The following NRBP2 variants were observed in gnomAD, a reference collection of about 807,000 sequenced individuals.
NRBP2 encodes the protein nuclear receptor binding protein 2.
Under a neutral mutation model 74.4 loss-of-function variants are expected in NRBP2, and 47 were observed. That is an observed-to-expected ratio of 0.63 (90% confidence interval 0.50 to 0.81). The LOEUF is 0.81. NRBP2 is among the 30% of genes least tolerant of loss of function. The probability of loss-of-function intolerance (pLI) is 0.00; values close to 1 mark genes in which losing one functional copy is unlikely to be tolerated. For synonymous variants in NRBP2, 312 were observed against 273.8 expected (o/e 1.14, Z -1.38); for missense variants, 613 against 690.1 (o/e 0.89, Z 1.25).
chr8:143,836,098 G>A, intron 15 of NRBP2, 29 bp downstream of exon 15: 1 of 1,596,026 alleles, frequency 6.3e-7, no homozygotes, highest in Non-Finnish European at 8.5e-7. Flanking sequence ...CTTCCCCACG[G>A]CAGCGCCGCC....
At position 143,840,081 on chromosome 8, in the gene NRBP2, G is replaced by A. The variant is rs548460720; in HGVS notation, c.252+26C>T. The A allele has an allele frequency of 1.3e-6, 2 of 1,536,062 alleles. No homozygotes were observed. Among genetic ancestry groups the A allele is most frequent in the African/African-American group, 1.4e-5 (1 of 73,040 alleles). On this transcript the variant is annotated intron_variant, in intron 2 of 17. Transcript: ENST00000442628. The surrounding 1 kb of genome is among the most constrained non-coding windows in gnomAD (Gnocchi z 5.7). ...TGGTCAGCAGGTGGTCACCCAAGCAGGATGAGGAGGGGGCAGCGGTCTCAC... is the reference window on the plus strand; with the variant it reads ...TGGTCAGCAGGTGGTCACCCAAGCAAGATGAGGAGGGGGCAGCGGTCTCAC...
downstream of NRBP2, among the ~76,000 whole-genome samples, chr8:143,830,978 A>G (rs1171523826): frequency 6.6e-6 from 1 of 152,198 alleles, no homozygotes; most frequent in African/African-American, 2.4e-5. Context: ...AAAACAGAAT[A>G]GCAGTAACAC....
At chr8:143,833,364 C>T (rs1023543647), downstream of NRBP2, 5 of 152,266 alleles carry the variant, frequency 3.3e-5, no homozygotes, top group Admixed American at 6.5e-5. Flanking sequence ...TCTCCTGAGA[C>T]GTGTGGTAAT....
In NRBP2 at chr8:143,837,336, G is replaced by A. The variant is rs782461933; in HGVS notation, c.1077-37C>T. 31 of 1,594,676 alleles carry A rather than the reference G, an allele frequency of 1.9e-5. No homozygotes were observed. The highest frequency in any genetic ancestry group is 1.7e-4 in the African/African-American group (13 of 74,592). On this transcript the variant is annotated intron_variant, in intron 12 of 17. Transcript: ENST00000442628. This position sits in a 1 kb window ranked among gnomAD's most constrained non-coding sequence, Gnocchi z 4.3. Reference sequence around the variant, plus strand: ...GTGGGAGGCACATGAGGGGCTGGCCGGGGCGAGGGGAGGGGAGGTGCGGGG... The same window carrying A: ...GTGGGAGGCACATGAGGGGCTGGCCAGGGCGAGGGGAGGGGAGGTGCGGGG...
chr8:143,837,866 A>T lies in NRBP2; in HGVS notation c.841-111T>A. ...CCCATGTCCCTCCTCAGGGACACACAGGACATGCAGGGATGCCCATAGGGA... is the reference window on the plus strand; with the variant it reads ...CCCATGTCCCTCCTCAGGGACACACTGGACATGCAGGGATGCCCATAGGGA... On this transcript the variant is annotated intron_variant, in intron 10 of 17. Coordinates refer to ENST00000442628, the MANE Select transcript of NRBP2 (RefSeq NM_178564.4). The surrounding 1 kb of genome is among the most constrained non-coding windows in gnomAD (Gnocchi z 4.3). The T allele has an allele frequency of 9.2e-6, 12 of 1,307,614 alleles. No homozygotes were observed. Among genetic ancestry groups the T allele is most frequent in the Non-Finnish European group, 1.2e-5 (11 of 934,898 alleles). 81.0% of individuals were successfully genotyped at this position (1,307,614 alleles called of 1,614,324 possible).
At position 143,837,563 on chromosome 8, in the gene NRBP2, C is replaced by A; in HGVS notation, c.974-54G>T. 6.3e-7 allele frequency: 1 copy of A among 1,594,584 alleles called. No individual in the cohort carries two copies. On this transcript the variant is annotated intron_variant, in intron 11 of 17. Coordinates refer to ENST00000442628, the MANE Select transcript of NRBP2 (RefSeq NM_178564.4). The surrounding 1 kb of genome is among the most constrained non-coding windows in gnomAD (Gnocchi z 4.3). ...TGCTCAGGCCGTGGGTCCTGCAGGG[C>A]CCCTTCCACGTCCCAACCTCCACCT...
Position 143,835,790 on chromosome 8 carries a change from C to A in NRBP2, c.1437+30G>T. On this transcript the variant is annotated intron_variant, in intron 17 of 17. Transcript: ENST00000442628. The surrounding 1 kb of genome is among the most constrained non-coding windows in gnomAD (Gnocchi z 4.9). Reference sequence around the variant, plus strand: ...CGCGGCCTGCCCCGTGCGCCCCCTCCGCCAGGCCGCGCCGCACCGCCCAGC... The same window carrying A: ...CGCGGCCTGCCCCGTGCGCCCCCTCAGCCAGGCCGCGCCGCACCGCCCAGC... The A allele has an allele frequency of 1.3e-6, 2 of 1,599,948 alleles. No homozygotes were observed. The highest frequency in any genetic ancestry group is 1.7e-6 in the Non-Finnish European group (2 of 1,173,778).
At position 143,840,697 on chromosome 8, in the gene NRBP2, C is replaced by A; in HGVS notation, c.129+9G>T. On this transcript the variant is annotated intron_variant, in intron 1 of 17. Transcript: ENST00000442628. This position sits in a 1 kb window ranked among gnomAD's most constrained non-coding sequence, Gnocchi z 5.7. ...CGGTGTCACCCCGTGCCCCAACCCCCGCGCCCACCTGCTCCCGTCGCTTTT... is the reference window on the plus strand; with the variant it reads ...CGGTGTCACCCCGTGCCCCAACCCCAGCGCCCACCTGCTCCCGTCGCTTTT... 6.8e-7 allele frequency: 1 copy of A among 1,478,068 alleles called. No homozygotes were observed. Among genetic ancestry groups the A allele is most frequent in the Non-Finnish European group, 9.0e-7 (1 of 1,116,344 alleles). The allele number at this position is 1,478,068 out of a possible 1,614,324, so 91.6% of individuals were successfully genotyped here. A position where few individuals can be genotyped will look rare whatever the true frequency, so the allele number is the denominator to read the frequency against.
In NRBP2 at chr8:143,836,318, G is replaced by A. The variant is rs200579519; in HGVS notation, c.1264-138C>T. The A allele has an allele frequency of 4.3e-5, 55 of 1,265,160 alleles. No homozygotes were observed. The African/African-American group carries it at 8.6e-4, about 20-fold the overall frequency. 78.4% of individuals were successfully genotyped at this position (1,265,160 alleles called of 1,614,324 possible). ...GAGCCCATCTCACTGCTAGTGGCTT[G>A]GCAAGCTAAGGAAAGCTTCGAGAAG... is the stretch of plus-strand genomic sequence containing the variant. On this transcript the variant is annotated intron_variant, in intron 14 of 17. Transcript: ENST00000442628.
chr8:143,837,808 C>A lies in NRBP2; in HGVS notation c.841-53G>T. 1 of 1,549,388 alleles carries A rather than the reference C, an allele frequency of 6.5e-7. No homozygotes were observed. Among genetic ancestry groups the A allele is most frequent in the East Asian group, 2.4e-5 (1 of 41,114 alleles). ...GTGTGCAAGGGCTCTCTGCTCTGGC[C>A]CCGCAGTTCGAGGAGAGGTGGCCCC... On this transcript the variant is annotated intron_variant, in intron 10 of 17. Coordinates refer to ENST00000442628, the MANE Select transcript of NRBP2 (RefSeq NM_178564.4). The surrounding 1 kb of genome is among the most constrained non-coding windows in gnomAD (Gnocchi z 4.3).
Position 143,840,093 on chromosome 8 carries a change from G to A in NRBP2, c.252+14C>T. On this transcript the variant is annotated intron_variant, in intron 2 of 17. Coordinates refer to ENST00000442628, the MANE Select transcript of NRBP2 (RefSeq NM_178564.4). The surrounding 1 kb of genome is among the most constrained non-coding windows in gnomAD (Gnocchi z 5.7). ...GGTCACCCAAGCAGGATGAGGAGGG[G>A]GCAGCGGTCTCACCTCGTGCGCCGC... The A allele has an allele frequency of 6.5e-7, 1 of 1,536,150 alleles. No individual in the cohort carries two copies. Among genetic ancestry groups the A allele is most frequent in the Admixed American group, 2.0e-5 (1 of 51,010 alleles).
Position 143,836,096 on chromosome 8 carries a change from CGGCAGCGCCGCCCTCCCA to C in NRBP2, c.1317+13_1317+30del. 6.3e-7 allele frequency: 1 copy of C among 1,595,210 alleles called. No individual in the cohort carries two copies. On this transcript the variant is annotated intron_variant, in intron 15 of 17. Transcript: ENST00000442628. ...CTCCGCCACGCTCCCGCCTTCCCCA[CGGCAGCGCCGCCCTCCCA>C]GGCCCCGCTCACATGCCAGCGCGCC...
downstream of NRBP2, among the ~76,000 whole-genome samples, chr8:143,832,564 C>T (rs190914100): frequency 1.2e-4 from 19 of 152,358 alleles, no homozygotes; most frequent in East Asian, 3.5e-3. Context: ...AGGGAAAAAC[C>T]GCCTTAGGGC....
rs782048488 is a variant in NRBP2, at chr8:143,837,434, C to T, written c.1049G>A (p.Arg350Gln). 24 of 1,606,880 alleles carry T rather than the reference C, an allele frequency of 1.5e-5. No individual in the cohort carries two copies. The highest frequency in any genetic ancestry group is 4.0e-5 in the African/African-American group (3 of 74,862). Residue 350 changes from arginine to glutamine, a missense_variant, in exon 12 of 18, where the codon CGG becomes CAG. Transcript: ENST00000442628. The surrounding 1 kb of genome is among the most constrained non-coding windows in gnomAD (Gnocchi z 4.3). ...CCACTGCAGCGGGGGCCTGCGGGGCCGGGGAAGCTCCGCCAAGACCGCGTG... is the reference window on the plus strand; with the variant it reads ...CCACTGCAGCGGGGGCCTGCGGGGCTGGGGAAGCTCCGCCAAGACCGCGTG... ...DLHAVLAELP[R>Q]PRRPPLQWRY...
chr8:143,840,498 G>A lies in NRBP2; in HGVS notation c.129+208C>T. On this transcript the variant is annotated intron_variant, in intron 1 of 17. Coordinates refer to ENST00000442628, the MANE Select transcript of NRBP2 (RefSeq NM_178564.4). The surrounding 1 kb of genome is among the most constrained non-coding windows in gnomAD (Gnocchi z 5.7). ...GCTGAGTCCAGAGGCATGGGGAGGT[G>A]GTCCTGGGAGGAGACTGGCCCTCAG... The A allele has an allele frequency of 1.5e-6, 1 of 653,484 alleles. No individual in the cohort carries two copies. The highest frequency in any genetic ancestry group is 2.5e-6 in the Non-Finnish European group (1 of 392,208). 40.5% of individuals were successfully genotyped at this position (653,484 alleles called of 1,614,324 possible).
chr8:143,840,589 C>A lies in NRBP2; in HGVS notation c.129+117G>T. ...TGGCTGATTCGCGGGCCGCGAGGGG[C>A]CGCGGAGAGGTTTCCAGCCGCCGCG... is the stretch of plus-strand genomic sequence containing the variant. On this transcript the variant is annotated intron_variant, in intron 1 of 17. Transcript: ENST00000442628. The surrounding 1 kb of genome is among the most constrained non-coding windows in gnomAD (Gnocchi z 5.7). 9.6e-7 allele frequency: 1 copy of A among 1,046,370 alleles called. No individual in the cohort carries two copies. The highest frequency in any genetic ancestry group is 1.3e-6 in the Non-Finnish European group (1 of 768,064). 64.8% of individuals were successfully genotyped at this position (1,046,370 alleles called of 1,614,324 possible). A position where few individuals can be genotyped will look rare whatever the true frequency, so the allele number is the denominator to read the frequency against.
Position 143,839,399 on chromosome 8 carries a change from G to T in NRBP2, c.495C>A (p.His165Gln), listed in dbSNP as rs782254109. Residue 165 changes from histidine (H) to glutamine (Q), a missense_variant, in exon 6 of 18, where the codon CAC becomes CAA. Coordinates refer to ENST00000442628, the MANE Select transcript of NRBP2 (RefSeq NM_178564.4). The surrounding 1 kb of genome is among the most constrained non-coding windows in gnomAD (Gnocchi z 5.1). ...TQILSALSFLHACSPPIIHGN... is the reference protein window; with the variant it reads ...TQILSALSFLQACSPPIIHGN... ...CGTGGATGATTGGGGGGCTGCAGGC[G>T]TGCAGGAAGCTGCAGACGTTGGGGA... The T allele has an allele frequency of 1.3e-6, 2 of 1,576,506 alleles. No individual in the cohort carries two copies.
chr8:143,830,811 A>G (rs1818131789), downstream of NRBP2, among the ~76,000 whole-genome samples: 1 of 152,266 alleles, frequency 6.6e-6, no homozygotes. Flanking sequence ...CTAAAATGCC[A>G]TTCTCAGTCA....
chr8:143,838,431 T>C (rs1210310592), intron 10 of NRBP2, among the ~76,000 whole-genome samples: 2 of 152,206 alleles, frequency 1.3e-5, no homozygotes, highest in African/African-American at 4.8e-5. Context: ...AAAACGGGCA[T>C]GGTGATGGCA....
Sources: allele counts gnomAD v4.1 joint callset (sites outside exome capture counted in the v4.1 genomes callset), GRCh38; gene constraint gnomAD v4.1.1; non-coding constraint Gnocchi (gnomAD v3.1); transcripts MANE v1.5; gene names NCBI Gene and HGNC (gene_info 2026-07-23, HGNC 2026-07-21).